CNOT6L: variants seen among roughly 807,000 people sequenced by gnomAD.
CNOT6L encodes CCR4-NOT transcription complex subunit 6 like, also known as CCR4-NOT transcription complex subunit 6-like.
In CNOT6L, 7 loss-of-function variants were observed where a neutral mutation model predicts 64.0. That is an observed-to-expected ratio of 0.11 (90% CI 0.06 to 0.21). The LOEUF is 0.21. Among genes scored for constraint, CNOT6L ranks in the 10% least tolerant of loss-of-function variants. The probability of loss-of-function intolerance (pLI) is 1.00; values close to 1 mark genes in which losing one functional copy is unlikely to be tolerated. For missense variants in CNOT6L, 245 were observed against 669.0 expected (o/e 0.37, Z 6.99); for synonymous variants, 193 against 243.4 (o/e 0.79, Z 1.93).
intron 5 of CNOT6L, among the ~76,000 whole-genome samples, chr4:77,753,995 A>ACTACAAAATACAG (rs1725168734): frequency 6.6e-6 from 1 of 152,004 alleles, no homozygotes; most frequent in East Asian, 1.9e-4. Context: ...TACAGTGAAT[A>ACTACAAAATACAG]TGATACTTAA....
intron 4 of CNOT6L, among the ~76,000 whole-genome samples, chr4:77,765,002 C>A (rs1726664906): frequency 6.6e-6 from 1 of 152,086 alleles, no homozygotes; most frequent in African/African-American, 2.4e-5. Context: ...GATGGTTAAG[C>A]ATTCTAAGTC....
At chr4:77,774,418 T>C in intron 3 of CNOT6L, 112 bp downstream of exon 3, 2 of 836,156 alleles carry the variant, frequency 2.4e-6, no homozygotes, top group Non-Finnish European at 3.7e-6. Context: ...AGACAGTTTA[T>C]ATAATTTGAT....
At chr4:77,809,674 G>A (rs1234745019) in intron 1 of CNOT6L, among the ~76,000 whole-genome samples, 1 of 152,084 alleles carries the variant, frequency 6.6e-6, no homozygotes, top group Non-Finnish European at 1.5e-5. Flanking sequence ...TGTATAGAGA[G>A]ACATTAAGGT....
In CNOT6L at chr4:77,720,599, C is replaced by T; in HGVS notation, c.1500G>A (p.Val500=). 6.2e-7 allele frequency: 1 copy of T among 1,613,318 alleles called. No individual in the cohort carries two copies. The part of the protein sequence containing the change: ...YIFYSKTHMN[V]LGVLGPLDPQ... ...GATCTAAAGGCCCCAGGACACCAAG[C>T]ACGTTCATATGAGTCTTGGAATAGA... Residue 500 remains valine, a synonymous_variant, in exon 12 of 12, where the codon GTG becomes GTA. Coordinates refer to ENST00000504123, the MANE Select transcript of CNOT6L (RefSeq NM_144571.3).
rs753665221 is a variant in CNOT6L, at chr4:77,776,397, T to TC, written c.6-6_6-5insG. The TC allele has an allele frequency of 5.1e-6, 7 of 1,372,142 alleles. No homozygotes were observed. The East Asian group carries it at 1.6e-4, about 31-fold the overall frequency. 85.0% of individuals were successfully genotyped at this position (1,372,142 alleles called of 1,614,324 possible). A position where few individuals can be genotyped will look rare whatever the true frequency, so the allele number is the denominator to read the frequency against. ...TCCTTTGGCATCCCTATTAGTCTGTTTAAAAAAAAAAAGGAGGAGATCAAT... is the reference window on the plus strand; with the variant it reads ...TCCTTTGGCATCCCTATTAGTCTGTTCTAAAAAAAAAAAGGAGGAGATCAAT... On this transcript the variant is annotated splice_region_variant and splice_polypyrimidine_tract_variant and intron_variant, in intron 1 of 11. Coordinates refer to ENST00000504123, the MANE Select transcript of CNOT6L (RefSeq NM_144571.3).
rs1348159161 is a variant in CNOT6L, at chr4:77,714,774, T to C, written c.*5657A>G. 6.6e-6 allele frequency: 1 copy of C among 152,374 alleles called. No homozygotes were observed. The highest frequency in any genetic ancestry group is 1.5e-5 in the Non-Finnish European group (1 of 67,986). The allele number at this position is 152,374 out of a possible 1,614,324, so 9.4% of individuals were successfully genotyped here. On this transcript the variant is annotated 3_prime_UTR_variant, in exon 12 of 12. Transcript: ENST00000504123. ...GAGCACCGCTCAGGAATTTCACAGG[T>C]AAGGGAATATATTTTTAGCAAGTTA...
chr4:77,722,037 G>C (rs1721336360), intron 11 of CNOT6L, among the ~76,000 whole-genome samples: 1 of 151,456 alleles, frequency 6.6e-6, no homozygotes, highest in Admixed American at 6.6e-5. Flanking sequence ...ACAAATTAAG[G>C]AACTTACATG....
At chr4:77,760,860 C>CTGTTTTT (rs1726134321) in intron 4 of CNOT6L, among the ~76,000 whole-genome samples, 1 of 29,978 alleles carries the variant, frequency 3.3e-5, no homozygotes, top group African/African-American at 1.4e-4. Flanking sequence ...CCATGCCTGG[C>CTGTTTTT]TTTTTTTTTT....
chr4:77,796,288 T>C (rs889065770), intron 1 of CNOT6L, among the ~76,000 whole-genome samples: 3 of 152,186 alleles, frequency 2.0e-5, no homozygotes, highest in African/African-American at 7.2e-5. Context: ...ACTATTGATA[T>C]GGTCTGGCTC....
At position 77,714,772 on chromosome 4, in the gene CNOT6L, G is replaced by C. The variant is rs1026652278; in HGVS notation, c.*5659C>G. 1 of 152,516 alleles carries C rather than the reference G, an allele frequency of 6.6e-6. No homozygotes were observed. The highest frequency in any genetic ancestry group is 1.9e-4 in the East Asian group (1 of 5,182). The allele number at this position is 152,516 out of a possible 1,614,324, so 9.4% of individuals were successfully genotyped here. ...CAGAGCACCGCTCAGGAATTTCACA[G>C]GTAAGGGAATATATTTTTAGCAAGT... is the stretch of plus-strand genomic sequence containing the variant. On this transcript the variant is annotated 3_prime_UTR_variant, in exon 12 of 12. Coordinates refer to ENST00000504123, the MANE Select transcript of CNOT6L (RefSeq NM_144571.3).
intron 1 of CNOT6L, among the ~76,000 whole-genome samples, chr4:77,803,472 A>T (rs545722928): frequency 6.6e-6 from 1 of 152,350 alleles, no homozygotes. Flanking sequence ...ACTTTAAAAA[A>T]GTGTGCAAAA....
At position 77,717,730 on chromosome 4, in the gene CNOT6L, C is replaced by T. The variant is rs1347779070; in HGVS notation, c.*2701G>A. The T allele has an allele frequency of 6.6e-6, 1 of 152,426 alleles. No individual in the cohort carries two copies. Among genetic ancestry groups the T allele is most frequent in the Non-Finnish European group, 1.5e-5 (1 of 68,002 alleles). The allele number at this position is 152,426 out of a possible 1,614,324, so 9.4% of individuals were successfully genotyped here. A position where few individuals can be genotyped will look rare whatever the true frequency, so the allele number is the denominator to read the frequency against. ...CTGAATTGGCAGCTCAAAACAGATA[C>T]CACTCCTTTTACAAAGGGAACAAAG... On this transcript the variant is annotated 3_prime_UTR_variant, in exon 12 of 12. Coordinates refer to ENST00000504123, the MANE Select transcript of CNOT6L (RefSeq NM_144571.3).
chr4:77,761,266 G>A (rs1726194095), intron 4 of CNOT6L, among the ~76,000 whole-genome samples: 1 of 152,014 alleles, frequency 6.6e-6, no homozygotes, highest in Non-Finnish European at 1.5e-5. Context: ...TGAGAACACT[G>A]AGAATTAACC....
At chr4:77,740,246 G>A (rs1336303568) in intron 8 of CNOT6L, among the ~76,000 whole-genome samples, 2 of 151,990 alleles carry the variant, frequency 1.3e-5, no homozygotes, top group African/African-American at 2.4e-5. Context: ...TGGCATGCAC[G>A]TGTAGTCTCA....
At chr4:77,755,237 T>G (rs1191621424) in intron 5 of CNOT6L, among the ~76,000 whole-genome samples, 1 of 124,964 alleles carries the variant, frequency 8.0e-6, no homozygotes, top group African/African-American at 3.0e-5. Context: ...TTTTTTTTTT[T>G]TTTTTTTTTT....
At chr4:77,754,785 A>G (rs1725270727) in intron 5 of CNOT6L, among the ~76,000 whole-genome samples, 1 of 151,576 alleles carries the variant, frequency 6.6e-6, no homozygotes. Context: ...CAAAGATGAC[A>G]TTAAAAAACA....
At chr4:77,775,160 G>A (rs1317237344) in intron 2 of CNOT6L, among the ~76,000 whole-genome samples, 2 of 152,126 alleles carry the variant, frequency 1.3e-5, no homozygotes, top group African/African-American at 2.4e-5. Context: ...CTATTATCCA[G>A]CTCAAAGTGT....
intron 5 of CNOT6L, among the ~76,000 whole-genome samples, chr4:77,754,891 A>AAAAAAAAAAC (rs1725317361): frequency 9.4e-6 from 1 of 106,090 alleles, no homozygotes; most frequent in African/African-American, 3.7e-5. Context: ...TTAGAAGTAA[A>AAAAAAAAAAC]AAAAAAAAAA....
At chr4:77,764,862 C>A (rs927222997) in intron 4 of CNOT6L, among the ~76,000 whole-genome samples, 1 of 152,156 alleles carries the variant, frequency 6.6e-6, no homozygotes, top group Non-Finnish European at 1.5e-5. Flanking sequence ...TGTCCCTCTG[C>A]AACCCTTAGG....
Sources: allele counts gnomAD v4.1 joint callset (sites outside exome capture counted in the v4.1 genomes callset), GRCh38; gene constraint gnomAD v4.1.1; transcripts MANE v1.5; gene names NCBI Gene and HGNC (gene_info 2026-07-23, HGNC 2026-07-21).